The following HERC1 variants were observed in gnomAD, a reference collection of about 807,000 sequenced individuals.
HERC1 encodes probable E3 ubiquitin-protein ligase HERC1.
A neutral mutation model predicts 554.3 loss-of-function variants in HERC1; 160 were observed. That is an observed-to-expected ratio of 0.29 (90% CI 0.25 to 0.33). The LOEUF (loss-of-function observed/expected upper bound fraction) is 0.33. Among genes scored for constraint, HERC1 ranks in the 10% least tolerant of loss-of-function variants. The probability of loss-of-function intolerance (pLI) is 1.00; values close to 1 mark genes in which losing one functional copy is unlikely to be tolerated. For missense variants in HERC1, 4,919 were observed against 5,918.5 expected (o/e 0.83, Z 5.54); for synonymous variants, 2,175 against 2,131.7 (o/e 1.02, Z -0.56).
intron 1 of HERC1, among the ~76,000 whole-genome samples, chr15:63,813,363 C>T (rs2077392753): frequency 1.3e-5 from 2 of 151,486 alleles, no homozygotes; most frequent in South Asian, 4.2e-4. Flanking sequence ...CTCGTAAGTA[C>T]ACACACTAAA....
intron 33 of HERC1, among the ~76,000 whole-genome samples, chr15:63,688,659 A>C (rs1217087814): frequency 6.6e-6 from 1 of 152,204 alleles, no homozygotes; most frequent in Non-Finnish European, 1.5e-5. Flanking sequence ...GGAGAATGAG[A>C]ACAGGCCATT....
intron 54 of HERC1, among the ~76,000 whole-genome samples, chr15:63,649,350 TCAAAA>T (rs373139298): frequency 0.14 from 21,605 of 151,912 alleles, 2,080 homozygotes; most frequent in Middle Eastern, 0.21. Flanking sequence ...AGACTCCTTC[TCAAAA>T]CAAAACAAAA....
chr15:63,695,630 C>G (rs866317538), intron 27 of HERC1, among the ~76,000 whole-genome samples: 1 of 152,034 alleles, frequency 6.6e-6, no homozygotes, highest in African/African-American at 2.4e-5. Flanking sequence ...TCAGGTGATC[C>G]GACCACCTCA....
At chr15:63,766,340 C>T (rs997316858) in intron 2 of HERC1, among the ~76,000 whole-genome samples, 2 of 152,130 alleles carry the variant, frequency 1.3e-5, no homozygotes, top group South Asian at 4.1e-4. Flanking sequence ...GTAATCCCAG[C>T]ATTTTGGGAG....
At chr15:63,803,422 T>C (rs775813186) in intron 1 of HERC1, among the ~76,000 whole-genome samples, 35 of 151,966 alleles carry the variant, frequency 2.3e-4, no homozygotes, top group Admixed American at 1.2e-3. Context: ...ATGCTCTTTT[T>C]TTCTCTCTTT....
chr15:63,760,446 A>G (rs979889517), intron 3 of HERC1, among the ~76,000 whole-genome samples: 1 of 149,602 alleles, frequency 6.7e-6, no homozygotes, highest in African/African-American at 2.4e-5. Flanking sequence ...AAAAAAAAAA[A>G]AAAAAAAAAG....
intron 24 of HERC1, among the ~76,000 whole-genome samples, chr15:63,709,477 C>T (rs1410680691): frequency 6.6e-6 from 1 of 152,028 alleles, no homozygotes; most frequent in Non-Finnish European, 1.5e-5. Context: ...AATTGTATTA[C>T]CAAATTTATT....
chr15:63,626,184 A>G (rs941270231), intron 70 of HERC1, 30 bp from the exon 71 acceptor site: 1 of 1,604,064 alleles, frequency 6.2e-7, no homozygotes, highest in Admixed American at 1.7e-5. Flanking sequence ...GCACTTATGA[A>G]GGAAACAGCA....
intron 1 of HERC1, among the ~76,000 whole-genome samples, chr15:63,808,108 T>C (rs374064734): frequency 8.1e-6 from 1 of 123,680 alleles, no homozygotes; most frequent in Admixed American, 8.6e-5. Context: ...CATAACATTA[T>C]AGTAATTCTA....
At position 63,658,566 on chromosome 15, in the gene HERC1, C is replaced by T; in HGVS notation, c.9577G>A (p.Ala3193Thr). 1 of 1,612,764 alleles carries T rather than the reference C, an allele frequency of 6.2e-7. No homozygotes were observed. The highest frequency in any genetic ancestry group is 8.5e-7 in the Non-Finnish European group (1 of 1,179,104). Residue 3193 changes from alanine (A) to threonine (T), a missense_variant, in exon 48 of 78, where the codon GCG (alanine) becomes ACG (threonine). By Grantham distance (58) the Ala-to-Thr change is moderately conservative. This residue lies in a region of HERC1 where 1,963 missense variants were observed against 2,228.6 expected (regional missense o/e 0.88). Coordinates refer to ENST00000443617, the MANE Select transcript of HERC1 (RefSeq NM_003922.4). ...VLLARTMVMR[A>T]LSLLSVSGSS... ...TACCTGACTGAGAGAAGAGACAGCG[C>T]TCTCATGACCATGGTTCTGGCCAGA...
chr15:63,647,106 T>C (rs1026862492), intron 55 of HERC1, among the ~76,000 whole-genome samples: 1 of 151,716 alleles, frequency 6.6e-6, no homozygotes, highest in Non-Finnish European at 1.5e-5. Flanking sequence ...AATATAAAAA[T>C]TAGCCAGTTT....
At position 63,718,305 on chromosome 15, in the gene HERC1, ATCAT is replaced by A; in HGVS notation, c.3978+265_3978+268del. ...CCCAATCAGCACAAAGAGAGGAATAATCATTCATATGATTTGAATCATTCAATTT... is the reference window on the plus strand; with the variant it reads ...CCCAATCAGCACAAAGAGAGGAATAATCATATGATTTGAATCATTCAATTT... On this transcript the variant is annotated intron_variant, in intron 21 of 77. Coordinates refer to ENST00000443617, the MANE Select transcript of HERC1 (RefSeq NM_003922.4). The surrounding 1 kb of genome is among the most constrained non-coding windows in gnomAD (Gnocchi z 4.2). 1 of 322,338 alleles carries A rather than the reference ATCAT, an allele frequency of 3.1e-6. No individual in the cohort carries two copies. Among genetic ancestry groups the A allele is most frequent in the East Asian group, 5.6e-5 (1 of 17,882 alleles). 20.0% of individuals were successfully genotyped at this position (322,338 alleles called of 1,614,324 possible).
At chr15:63,822,086 T>C (rs978958336) in intron 1 of HERC1, among the ~76,000 whole-genome samples, 5 of 152,142 alleles carry the variant, frequency 3.3e-5, no homozygotes, top group Admixed American at 1.3e-4. Context: ...CTGAATTATG[T>C]GAGCGAGCCA....
intron 25 of HERC1, among the ~76,000 whole-genome samples, chr15:63,701,917 T>A (rs1382544005): frequency 6.6e-6 from 1 of 152,158 alleles, no homozygotes; most frequent in Admixed American, 6.5e-5. Flanking sequence ...AGCTTCTACA[T>A]AACAATTGAG....
At chr15:63,665,112 T>A (rs1376152363) in intron 42 of HERC1, among the ~76,000 whole-genome samples, 1 of 152,192 alleles carries the variant, frequency 6.6e-6, no homozygotes, top group Non-Finnish European at 1.5e-5. Flanking sequence ...TGTAAGATAT[T>A]CTATACATCT....
intron 66 of HERC1, among the ~76,000 whole-genome samples, chr15:63,634,225 T>C (rs564274265): frequency 3.9e-5 from 6 of 152,338 alleles, no homozygotes; most frequent in South Asian, 2.1e-4. Flanking sequence ...GTATGAAAGA[T>C]AGAGGAAAAG....
At chr15:63,743,425 C>T (rs2074909741) in intron 12 of HERC1, among the ~76,000 whole-genome samples, 1 of 151,954 alleles carries the variant, frequency 6.6e-6, no homozygotes, top group African/African-American at 2.4e-5. Flanking sequence ...CCACATCCAG[C>T]TAATTTTTTT....
In HERC1 at chr15:63,649,432, G is replaced by T. The variant is rs72750973; in HGVS notation, c.10747+293C>A. ...TTATGACCTTTTTTTCTCTTGGACA[G>T]TCCTAACTTTCAAAGGAGACTTGGA... On this transcript the variant is annotated intron_variant, in intron 54 of 77. Coordinates refer to ENST00000443617, the MANE Select transcript of HERC1 (RefSeq NM_003922.4). 0.019 allele frequency among the ~76,000 whole-genome samples: 2,954 copies of T among 152,186 alleles called. 41 individuals are homozygous for T. The highest frequency in any genetic ancestry group is 0.032 in the Non-Finnish European group (2,156 of 67,988).
intron 14 of HERC1, 51 bp from the exon 15 acceptor site, chr15:63,729,700 G>A (rs529254468): frequency 2.6e-6 from 4 of 1,565,152 alleles, no homozygotes; most frequent in Non-Finnish European, 3.5e-6. Context: ...GAAACTGAAA[G>A]TAACAACCTA....
Sources: gnomAD v4.1 joint callset for allele counts (sites outside exome capture counted in the v4.1 genomes callset) on GRCh38, gnomAD v4.1.1 for gene constraint, gnomAD v4.1.1 regional missense constraint, Gnocchi (gnomAD v3.1) non-coding constraint, MANE v1.5 for transcripts, NCBI Gene and HGNC (gene_info 2026-07-23, HGNC 2026-07-21) for gene names.